Variants in SLC17A6 observed in about 807,000 individuals in gnomAD.
SLC17A6 encodes the protein solute carrier family 17 member 6.
A neutral mutation model predicts 67.1 loss-of-function variants in SLC17A6; 35 were observed. That is an observed-to-expected ratio of 0.52 (90% CI 0.40 to 0.69). The LOEUF is 0.69. Among genes scored for constraint, SLC17A6 ranks in the 30% least tolerant of loss-of-function variants. SLC17A6 has a pLI of 0.00. For missense variants in SLC17A6, 588 were observed against 723.9 expected (o/e 0.81, Z 2.15); for synonymous variants, 285 against 252.3 (o/e 1.13, Z -1.23).
Position 22,376,091 on chromosome 11 carries a change from T to G in SLC17A6, c.1284T>G (p.Ser428=), listed in dbSNP as rs1856229662. ...LAVGFSGFAI[S]GFNVNHLDIA... ...TGGGATTCAGTGGATTTGCTATATC[T>G]GGTAAGATATAATTTTTTTTCTTTG... The change falls in exon 10 of 12, where the codon TCT becomes TCG. Residue 428 remains serine, a splice_region_variant and synonymous_variant. Transcript: ENST00000263160. 6.2e-7 allele frequency: 1 copy of G among 1,604,806 alleles called. No individual in the cohort carries two copies. The highest frequency in any genetic ancestry group is 2.2e-5 in the East Asian group (1 of 44,800).
At chr11:22,370,695 A>G (rs1468490099) in intron 8 of SLC17A6, among the ~76,000 whole-genome samples, 7 of 152,152 alleles carry the variant, frequency 4.6e-5, no homozygotes, top group Non-Finnish European at 4.4e-5. Context: ...TTTAACAAGT[A>G]TTTGTTGAAC....
At chr11:22,351,253 C>CAGATTCA (rs1393940778) in intron 3 of SLC17A6, among the ~76,000 whole-genome samples, 2 of 152,042 alleles carry the variant, frequency 1.3e-5, no homozygotes, top group Non-Finnish European at 2.9e-5. Flanking sequence ...TATTATATTT[C>CAGATTCA]AGATTCAAGG....
At chr11:22,363,315 A>T (rs982928114) in intron 6 of SLC17A6, among the ~76,000 whole-genome samples, 3 of 152,204 alleles carry the variant, frequency 2.0e-5, no homozygotes, top group Non-Finnish European at 4.4e-5. Flanking sequence ...TAGCTGCTGT[A>T]GCAGCATATC....
intron 9 of SLC17A6, 71 bp from the exon 10 acceptor site, chr11:22,375,911 T>C: frequency 1.0e-6 from 1 of 967,998 alleles, no homozygotes; most frequent in Non-Finnish European, 1.6e-6. Flanking sequence ...GTTGGAACAT[T>C]TTTAGCAGTT....
chr11:22,371,733 C>T (rs1402656778), intron 8 of SLC17A6, among the ~76,000 whole-genome samples: 1 of 151,660 alleles, frequency 6.6e-6, no homozygotes, highest in Non-Finnish European at 1.5e-5. Context: ...TATAAATCAA[C>T]CAGCAGATGG....
chr11:22,376,157 A>G (rs1856230518), intron 10 of SLC17A6, 65 bp downstream of exon 10: 2 of 1,022,068 alleles, frequency 2.0e-6, no homozygotes, highest in Non-Finnish European at 3.0e-6. Flanking sequence ...TAAAAGACAC[A>G]TACATATACC....
intron 3 of SLC17A6, among the ~76,000 whole-genome samples, chr11:22,354,396 T>C (rs1343613113): frequency 2.0e-5 from 3 of 152,210 alleles, no homozygotes; most frequent in African/African-American, 7.2e-5. Context: ...TTTATACTCT[T>C]AAAATTCTTT....
intron 4 of SLC17A6, among the ~76,000 whole-genome samples, chr11:22,360,052 C>T (rs116124340): frequency 6.6e-6 from 1 of 152,108 alleles, no homozygotes; most frequent in African/African-American, 2.4e-5. Flanking sequence ...ACCAATTTCC[C>T]CTTCTCTTTC....
intron 3 of SLC17A6, among the ~76,000 whole-genome samples, chr11:22,357,935 C>T (rs996719577): frequency 5.3e-5 from 8 of 152,108 alleles, no homozygotes; most frequent in East Asian, 1.9e-4. Context: ...TAAGGGAAGG[C>T]GGGTACAGGC....
At chr11:22,376,468 G>A in intron 10 of SLC17A6, 77 bp from the exon 11 acceptor site, 1 of 1,518,844 alleles carries the variant, frequency 6.6e-7, no homozygotes, top group Non-Finnish European at 9.1e-7. Flanking sequence ...TTAAGGAGTT[G>A]TGATGTGTGG....
chr11:22,362,798 G>C lies in SLC17A6; in HGVS notation c.721G>C (p.Gly241Arg), dbSNP rs536982318. The C allele has an allele frequency of 1.2e-6, 2 of 1,613,754 alleles. No homozygotes were observed. The highest frequency in any genetic ancestry group is 2.2e-5 in the South Asian group (2 of 91,062). The change falls in exon 6 of 12, where the codon GGC becomes CGC. Residue 241 changes from glycine (G) to arginine (R), a missense_variant. Coordinates refer to ENST00000263160, the MANE Select transcript of SLC17A6 (RefSeq NM_020346.3). ...AGCTGGCATTCTTGTGCAGTACACTGGCTGGTCTTCAGTGTTTTATGTCTA... is the reference window on the plus strand; with the variant it reads ...AGCTGGCATTCTTGTGCAGTACACTCGCTGGTCTTCAGTGTTTTATGTCTA... ...PLAGILVQYT[G>R]WSSVFYVYGS...
Position 22,378,026 on chromosome 11 carries a change from A to G in SLC17A6, c.*286A>G, listed in dbSNP as rs1025537375. The stretch of plus-strand genomic sequence containing the variant: ...GTTACCCATTGGATTCATATGAGCT[A>G]AAACTCATCACTATTTACTAAAGCA... On this transcript the variant is annotated 3_prime_UTR_variant, in exon 12 of 12. Coordinates refer to ENST00000263160, the MANE Select transcript of SLC17A6 (RefSeq NM_020346.3). The G allele has an allele frequency of 7.0e-6, 3 of 427,678 alleles. No individual in the cohort carries two copies. Among genetic ancestry groups the G allele is most frequent in the Non-Finnish European group, 1.2e-5 (3 of 242,786 alleles). 26.5% of individuals were successfully genotyped at this position (427,678 alleles called of 1,614,324 possible).
At position 22,339,151 on chromosome 11, in the gene SLC17A6, A is replaced by ATATGTTATATATATATGTTATATATATAT. The variant is rs57725309; in HGVS notation, c.86+532_86+533insTATGTTATATATATATGTTATATATATAT. On this transcript the variant is annotated intron_variant, in intron 1 of 11. Coordinates refer to ENST00000263160, the MANE Select transcript of SLC17A6 (RefSeq NM_020346.3). The stretch of plus-strand genomic sequence containing the variant: ...TATGTTATATATATATGTTATATAT[A>ATATGTTATATATATATGTTATATATATAT]GTTATATATATATGTTATATATATA... 9.4e-4 allele frequency among the ~76,000 whole-genome samples: 28 copies of ATATGTTATATATATATGTTATATATATAT among 29,798 alleles called. 7 individuals are homozygous for ATATGTTATATATATATGTTATATATATAT. In the East Asian group the frequency reaches 0.014, roughly 15 times the overall value. The allele number at this position is 29,798 out of a possible 152,430, so 19.5% of individuals were successfully genotyped here.
chr11:22,374,666 T>C lies in SLC17A6; in HGVS notation c.1042-89T>C, dbSNP rs984697379. The C allele has an allele frequency of 4.6e-6, 5 of 1,093,464 alleles. No individual in the cohort carries two copies. In the Admixed American group the frequency reaches 1.3e-4, roughly 29 times the overall value. 67.7% of individuals were successfully genotyped at this position (1,093,464 alleles called of 1,614,324 possible). Reference sequence around the variant, plus strand: ...TTTTTCCTTCCTTTGTCCATAAAGATGTGATGACAGATTCAGAAACAAAGG... The same window carrying C: ...TTTTTCCTTCCTTTGTCCATAAAGACGTGATGACAGATTCAGAAACAAAGG... On this transcript the variant is annotated intron_variant, in intron 8 of 11. Transcript: ENST00000263160.
At chr11:22,361,477 A>G (rs1189729969) in intron 5 of SLC17A6, among the ~76,000 whole-genome samples, 1 of 152,164 alleles carries the variant, frequency 6.6e-6, no homozygotes, top group Admixed American at 6.5e-5. Context: ...ATATGTTTGA[A>G]TTATAGTGAA....
At chr11:22,355,563 G>C (rs934064584) in intron 3 of SLC17A6, among the ~76,000 whole-genome samples, 21 of 152,056 alleles carry the variant, frequency 1.4e-4, no homozygotes, top group African/African-American at 4.8e-4. Context: ...ACCCTCTGAA[G>C]TCACCCCAAA....
chr11:22,365,466 G>A, intron 6 of SLC17A6, 81 bp from the exon 7 acceptor site: 1 of 1,393,598 alleles, frequency 7.2e-7, no homozygotes, highest in Non-Finnish European at 1.0e-6. Flanking sequence ...GAATATGTTT[G>A]TCTTGAGATG....
At chr11:22,374,490 T>A (rs1856209495) in intron 8 of SLC17A6, among the ~76,000 whole-genome samples, 1 of 151,332 alleles carries the variant, frequency 6.6e-6, no homozygotes, top group African/African-American at 2.4e-5. Context: ...TCAGAAGAGT[T>A]GATTCATACT....
intron 1 of SLC17A6, among the ~76,000 whole-genome samples, chr11:22,340,822 G>T (rs922566986): frequency 6.6e-6 from 1 of 152,172 alleles, no homozygotes; most frequent in Non-Finnish European, 1.5e-5. Flanking sequence ...GCCCTGGGGC[G>T]GGATGAAGGG....
Sources: gnomAD v4.1 joint callset for allele counts (sites outside exome capture counted in the v4.1 genomes callset) on GRCh38, gnomAD v4.1.1 for gene constraint, MANE v1.5 for transcripts, NCBI Gene and HGNC (gene_info 2026-07-23, HGNC 2026-07-21) for gene names.